Variants in CTDSPL2 observed in about 807,000 individuals in gnomAD.
CTDSPL2 encodes CTD small phosphatase-like protein 2.
In CTDSPL2, 5 loss-of-function variants were observed where a neutral mutation model predicts 60.0. The ratio of observed to expected loss-of-function variants is 0.08; its 90% confidence interval spans 0.04 to 0.18. The LOEUF (loss-of-function observed/expected upper bound fraction) is 0.18. Ranked by LOEUF, CTDSPL2 falls within the 10% of genes least tolerant of loss-of-function variation. The pLI is 1.00. For missense variants in CTDSPL2, 370 were observed against 548.8 expected (o/e 0.67, Z 3.26); for synonymous variants, 186 against 189.3 (o/e 0.98, Z 0.14).
chr15:44,511,867 C>CAAAAAAAAAAAAAAAAAAA (rs68063380), intron 8 of CTDSPL2, among the ~76,000 whole-genome samples: 1 of 30,612 alleles, frequency 3.3e-5, no homozygotes, highest in Non-Finnish European at 8.0e-5. Context: ...GACGGTCTCG[C>CAAAAAAAAAAAAAAAAAAA]AAAAAAAAAA....
intron 4 of CTDSPL2, 52 bp downstream of exon 4, chr15:44,486,752 G>GT: frequency 1.0e-6 from 1 of 989,552 alleles, no homozygotes. Flanking sequence ...AAAATGCATA[G>GT]TTTGGGTTTT....
chr15:44,519,389 A>C, intron 11 of CTDSPL2, 94 bp downstream of exon 11: 1 of 1,058,676 alleles, frequency 9.4e-7, no homozygotes, highest in Non-Finnish European at 1.3e-6. Context: ...GAAGAAGAGA[A>C]TTTTCACTGG....
intron 1 of CTDSPL2, among the ~76,000 whole-genome samples, chr15:44,431,016 T>G (rs946348704): frequency 2.0e-5 from 3 of 152,006 alleles, no homozygotes; most frequent in Admixed American, 2.0e-4. Context: ...GAGATGGGGT[T>G]TCTCTATGTT....
intron 1 of CTDSPL2, chr15:44,449,232 G>T: frequency 3.8e-6 from 1 of 264,244 alleles, no homozygotes; most frequent in South Asian, 5.4e-5. Flanking sequence ...TTCACTATCA[G>T]GATCTTTCAC....
intron 3 of CTDSPL2, among the ~76,000 whole-genome samples, chr15:44,485,949 T>C (rs1369928091): frequency 6.6e-6 from 1 of 152,224 alleles, no homozygotes; most frequent in Non-Finnish European, 1.5e-5. Context: ...GAACAGTTGA[T>C]TGATTTTACT....
intron 10 of CTDSPL2, 117 bp downstream of exon 10, chr15:44,514,961 T>G: frequency 1.6e-6 from 1 of 607,158 alleles, no homozygotes; most frequent in Non-Finnish European, 2.9e-6. Flanking sequence ...ATGGTGAATA[T>G]AAATGAATTT....
intron 6 of CTDSPL2, 59 bp from the exon 7 acceptor site, chr15:44,496,968 T>A (rs1187426910): frequency 2.2e-6 from 2 of 922,150 alleles, no homozygotes. Flanking sequence ...CTGAGCTTAG[T>A]AATGTTCTAT....
At chr15:44,513,187 C>T (rs2081594295) in intron 8 of CTDSPL2, among the ~76,000 whole-genome samples, 1 of 152,092 alleles carries the variant, frequency 6.6e-6, no homozygotes, top group South Asian at 2.1e-4. Context: ...GTCTTCTGGC[C>T]TGGCTTGGTG....
At chr15:44,476,775 A>C (rs2080925482) in intron 2 of CTDSPL2, among the ~76,000 whole-genome samples, 1 of 152,242 alleles carries the variant, frequency 6.6e-6, no homozygotes, top group African/African-American at 2.4e-5. Context: ...GAATTGCTAA[A>C]GATGCTTTTC....
At chr15:44,500,513 T>C (rs2042304354) in intron 8 of CTDSPL2, among the ~76,000 whole-genome samples, 2 of 152,220 alleles carry the variant, frequency 1.3e-5, no homozygotes, top group African/African-American at 4.8e-5. Flanking sequence ...TTTTGGAGGT[T>C]GTTATTTAAC....
At position 44,486,586 on chromosome 15, in the gene CTDSPL2, AAAC is replaced by A. The variant is rs1225169076; in HGVS notation, c.364_366del (p.Gln122del). The stretch of plus-strand genomic sequence containing the variant: ...TTATGAAATGACAAATCAACATGTA[AAAC>A]AAAATGGAAAATTAGAAGATAATCC... On this transcript the variant is annotated inframe_deletion, in exon 4 of 13. Coordinates refer to ENST00000260327, the MANE Select transcript of CTDSPL2 (RefSeq NM_016396.3). 6.3e-7 allele frequency: 1 copy of A among 1,588,698 alleles called. No homozygotes were observed. The highest frequency in any genetic ancestry group is 8.5e-7 in the Non-Finnish European group (1 of 1,169,988).
chr15:44,521,564 T>C (rs1401987863), intron 12 of CTDSPL2, among the ~76,000 whole-genome samples, 158 bp downstream of exon 12: 1 of 152,112 alleles, frequency 6.6e-6, no homozygotes, highest in Non-Finnish European at 1.5e-5. Context: ...CCAGCTACTT[T>C]AGAGTCTGAG....
At chr15:44,430,201 C>A (rs934360940) in intron 1 of CTDSPL2, among the ~76,000 whole-genome samples, 1 of 152,098 alleles carries the variant, frequency 6.6e-6, no homozygotes, top group Non-Finnish European at 1.5e-5. Flanking sequence ...TGTTGTTCAC[C>A]AAGGATGTAC....
chr15:44,525,166 T>A lies in CTDSPL2; in HGVS notation c.*992T>A, dbSNP rs2081853135. The A allele has an allele frequency of 2.7e-6, 1 of 364,996 alleles. No individual in the cohort carries two copies. 22.6% of individuals were successfully genotyped at this position (364,996 alleles called of 1,614,324 possible). A position where few individuals can be genotyped will look rare whatever the true frequency, so the allele number is the denominator to read the frequency against. On this transcript the variant is annotated 3_prime_UTR_variant, in exon 13 of 13. Transcript: ENST00000260327. ...AGTATTCAGCACAGTGACTCAGTATTTTTAGTTATTTTGCATGGGCTGGTA... is the reference window on the plus strand; with the variant it reads ...AGTATTCAGCACAGTGACTCAGTATATTTAGTTATTTTGCATGGGCTGGTA...
chr15:44,469,704 G>A (rs184195900), intron 2 of CTDSPL2, among the ~76,000 whole-genome samples: 1 of 152,204 alleles, frequency 6.6e-6, no homozygotes, highest in East Asian at 1.9e-4. Flanking sequence ...GTTCAGTGCA[G>A]TATTCTATAA....
At chr15:44,458,875 A>G in intron 1 of CTDSPL2, 116 bp from the exon 2 acceptor site, 1 of 568,236 alleles carries the variant, frequency 1.8e-6, no homozygotes, top group South Asian at 3.8e-5. Flanking sequence ...AGAGTCTAGG[A>G]CTTTTGTTTT....
intron 2 of CTDSPL2, among the ~76,000 whole-genome samples, chr15:44,464,314 G>T (rs2080639151): frequency 6.6e-6 from 1 of 152,156 alleles, no homozygotes; most frequent in Admixed American, 6.5e-5. Context: ...TGAGGCACAG[G>T]GAGGTTAAAT....
chr15:44,461,158 CAGAAGTGA>C (rs1223063045), intron 2 of CTDSPL2, among the ~76,000 whole-genome samples: 10 of 151,956 alleles, frequency 6.6e-5, no homozygotes, highest in South Asian at 2.1e-4. Context: ...AGATAAAAAC[CAGAAGTGA>C]AGATAGGTTT....
intron 12 of CTDSPL2, 37 bp from the exon 13 acceptor site, chr15:44,524,072 T>G: frequency 6.5e-7 from 1 of 1,529,852 alleles, no homozygotes; most frequent in South Asian, 1.1e-5. Context: ...TCTTTGAAAT[T>G]TTATGCCTTT....
Sources: gnomAD v4.1 joint callset for allele counts (sites outside exome capture counted in the v4.1 genomes callset) on GRCh38, gnomAD v4.1.1 for gene constraint, MANE v1.5 for transcripts, NCBI Gene and HGNC (gene_info 2026-07-23, HGNC 2026-07-21) for gene names.